Variants in ZPLD1 observed in about 807,000 individuals in gnomAD.
ZPLD1 encodes zona pellucida-like domain-containing protein 1.
In ZPLD1, 34 loss-of-function variants were observed where a neutral mutation model predicts 47.2. The ratio of observed to expected loss-of-function variants is 0.72; its 90% CI spans 0.55 to 0.96. The LOEUF is 0.96. Ranked by LOEUF, ZPLD1 falls within the 40% of genes least tolerant of loss-of-function variation. The probability of loss-of-function intolerance (pLI) is 0.00; values close to 1 mark genes in which losing one functional copy is unlikely to be tolerated. For missense variants in ZPLD1, 512 were observed against 505.8 expected, an observed-to-expected ratio of 1.01 and a Z score of -0.12; for synonymous variants, 176 against 186.2, an observed-to-expected ratio of 0.95 and a Z score of 0.45.
intron 10 of ZPLD1, 129 bp from the exon 11 acceptor site, chr3:102,476,883 G>A: frequency 9.2e-7 from 1 of 1,082,376 alleles, no homozygotes; most frequent in Non-Finnish European, 1.4e-6. Context: ...TACTCAAGGA[G>A]ATTATGGGTG....
intron 7 of ZPLD1, among the ~76,000 whole-genome samples, chr3:102,402,803 A>G (rs140807425): frequency 4.7e-4 from 71 of 152,102 alleles, no homozygotes; most frequent in African/African-American, 1.7e-3. Context: ...TTCAGTCTGC[A>G]TTGTTAAATG....
intron 10 of ZPLD1, among the ~76,000 whole-genome samples, chr3:102,473,358 A>C (rs1416924979): frequency 6.6e-6 from 1 of 152,200 alleles, no homozygotes; most frequent in East Asian, 1.9e-4. Context: ...CCAGTTGCCC[A>C]AAATATCTAT....
intron 7 of ZPLD1, among the ~76,000 whole-genome samples, chr3:102,414,134 G>A (rs1376191857): frequency 1.3e-5 from 2 of 151,698 alleles, no homozygotes; most frequent in Admixed American, 6.6e-5. Context: ...AGCCTTGGTG[G>A]TCCTTGAAGT....
chr3:102,438,667 TA>T (rs1203297272), intron 3 of ZPLD1, 74 bp downstream of exon 3: 2 of 1,147,232 alleles, frequency 1.7e-6, no homozygotes, highest in African/African-American at 3.1e-5. Flanking sequence ...GTCATTTAAA[TA>T]TATATGGAGA....
At chr3:102,459,950 G>A (rs1303052648) in intron 6 of ZPLD1, among the ~76,000 whole-genome samples, 1 of 151,934 alleles carries the variant, frequency 6.6e-6, no homozygotes, top group Non-Finnish European at 1.5e-5. Flanking sequence ...GCTCATCATT[G>A]CTGTATAATA....
chr3:102,424,652 A>G (rs1404916932), intron 8 of ZPLD1, among the ~76,000 whole-genome samples: 1 of 152,108 alleles, frequency 6.6e-6, no homozygotes, highest in Non-Finnish European at 1.5e-5. Context: ...TAGCTTTTAT[A>G]CTTTTTGACT....
At chr3:102,389,788 CTT>C (rs1335940802) in intron 6 of ZPLD1, among the ~76,000 whole-genome samples, 4 of 152,094 alleles carry the variant, frequency 2.6e-5, no homozygotes, top group African/African-American at 9.7e-5. Context: ...TAGATGGTCA[CTT>C]TTAATATCAT....
chr3:102,468,839 C>T (rs966663736), intron 8 of ZPLD1, 125 bp from the exon 9 acceptor site: 102 of 822,702 alleles, frequency 1.2e-4, no homozygotes, highest in Non-Finnish European at 1.7e-4. Context: ...ATATCTGTAA[C>T]GTGGCATGGT....
chr3:102,420,673 T>C (rs1706866495), intron 8 of ZPLD1, among the ~76,000 whole-genome samples: 1 of 151,772 alleles, frequency 6.6e-6, no homozygotes, highest in African/African-American at 2.4e-5. Flanking sequence ...AAATAGGTGA[T>C]TGGCAGAATT....
chr3:102,444,045 A>C (rs973394414), intron 3 of ZPLD1, among the ~76,000 whole-genome samples: 11 of 152,266 alleles, frequency 7.2e-5, no homozygotes, highest in Non-Finnish European at 1.6e-4. Context: ...GCAGTGGAGA[A>C]GATAGCAATT....
At chr3:102,458,821 G>A (rs1391231785) in intron 6 of ZPLD1, among the ~76,000 whole-genome samples, 1 of 152,156 alleles carries the variant, frequency 6.6e-6, no homozygotes, top group Non-Finnish European at 1.5e-5. Flanking sequence ...CGGGTGCTGT[G>A]GCTCACGCCT....
At chr3:102,422,671 G>A (rs1233490295) in intron 8 of ZPLD1, among the ~76,000 whole-genome samples, 1 of 151,998 alleles carries the variant, frequency 6.6e-6, no homozygotes, top group Non-Finnish European at 1.5e-5. Context: ...GGCTTGGGAA[G>A]AGCTGCTTTA....
chr3:102,406,346 C>A (rs1409368840), intron 7 of ZPLD1, among the ~76,000 whole-genome samples: 1 of 151,908 alleles, frequency 6.6e-6, no homozygotes, highest in Non-Finnish European at 1.5e-5. Context: ...ACAAGTTACC[C>A]TCATCTCAAC....
At chr3:102,435,374 A>T (rs1020315465) in intron 1 of ZPLD1, among the ~76,000 whole-genome samples, 1 of 152,176 alleles carries the variant, frequency 6.6e-6, no homozygotes, top group Admixed American at 6.5e-5. Flanking sequence ...ATATCATTGT[A>T]ACTCAAATAG....
At chr3:102,423,213 T>C (rs1266017949) in intron 8 of ZPLD1, among the ~76,000 whole-genome samples, 1 of 152,116 alleles carries the variant, frequency 6.6e-6, no homozygotes. Flanking sequence ...TGTTGTAGCA[T>C]CAGGGAGCAT....
chr3:102,393,368 T>C (rs1465077617), intron 7 of ZPLD1, among the ~76,000 whole-genome samples: 7 of 152,154 alleles, frequency 4.6e-5, no homozygotes, highest in Admixed American at 4.6e-4. Flanking sequence ...GTTCTTCCAT[T>C]AAACAGATTT....
chr3:102,400,224 C>T (rs1265703548), intron 7 of ZPLD1, among the ~76,000 whole-genome samples: 1 of 152,080 alleles, frequency 6.6e-6, no homozygotes, highest in Non-Finnish European at 1.5e-5. Flanking sequence ...TAACCTGATG[C>T]AAGCATAGAG....
chr3:102,452,988 T>C lies in ZPLD1; in HGVS notation c.176T>C (p.Leu59Pro), dbSNP rs773121306. 6.2e-7 allele frequency: 1 copy of C among 1,614,166 alleles called. No homozygotes were observed. Among genetic ancestry groups the C allele is most frequent in the South Asian group, 1.1e-5 (1 of 91,082 alleles). Residue 59 changes from leucine to proline, a missense_variant, in exon 4 of 12, where the codon CTT becomes CCT. Coordinates refer to ENST00000466937, the MANE Select transcript of ZPLD1 (RefSeq NM_001329788.2). The stretch of plus-strand genomic sequence containing the variant: ...ATGAAGATTAATTTTTGCACGGTAC[T>C]TTTCTCGGGTTATTCGGAAACAGAT... The part of the protein sequence containing the change: ...ITMKINFCTV[L>P]FSGYSETDLA...
chr3:102,407,651 C>A (rs1706706023), intron 7 of ZPLD1, among the ~76,000 whole-genome samples: 1 of 151,226 alleles, frequency 6.6e-6, no homozygotes, highest in African/African-American at 2.4e-5. Context: ...AGGCAGTAGT[C>A]ATGAACACAG....
Sources: gnomAD v4.1 joint callset for allele counts (sites outside exome capture counted in the v4.1 genomes callset) on GRCh38, gnomAD v4.1.1 for gene constraint, MANE v1.5 for transcripts, NCBI Gene and HGNC (gene_info 2026-07-23, HGNC 2026-07-21) for gene names.